The following TP53BP1 variants were observed in gnomAD, a reference collection of about 807,000 sequenced individuals.
The protein encoded by TP53BP1 is tumor protein p53 binding protein 1.
TP53BP1 carries 61 observed loss-of-function variants against 200.8 expected under a neutral mutation model. The ratio of observed to expected loss-of-function variants is 0.30; its 90% CI spans 0.25 to 0.38. TP53BP1 has a LOEUF of 0.38. Among genes scored for constraint, TP53BP1 ranks in the 10% least tolerant of loss-of-function variants. TP53BP1 has a pLI of 1.00. For synonymous variants in TP53BP1, 822 were observed against 844.3 expected, an observed-to-expected ratio of 0.97 and a Z score of 0.46; for missense variants, 2,144 against 2,371.9, an observed-to-expected ratio of 0.90 and a Z score of 2.00.
intron 12 of TP53BP1, among the ~76,000 whole-genome samples, chr15:43,455,591 G>A (rs539980043): frequency 3.0e-4 from 46 of 152,030 alleles, no homozygotes; most frequent in African/African-American, 9.9e-4. Context: ...ATAGTGGCAT[G>A]AGCCTATAGT....
At position 43,479,884 on chromosome 15, in the gene TP53BP1, C is replaced by G. The variant is rs139186328; in HGVS notation, c.633G>C (p.Arg211Ser). 158 of 1,614,176 alleles carry G rather than the reference C, an allele frequency of 9.8e-5. 1 individual carries two copies. The Middle Eastern group carries it at 3.3e-3, about 34-fold the overall frequency. The change falls in exon 6 of 28, where the codon AGG becomes AGC. Residue 211 changes from arginine to serine, a missense_variant. Arg to Ser is a moderately radical substitution (Grantham distance 110, BLOSUM62 -1). Coordinates refer to ENST00000382044, the MANE Select transcript of TP53BP1 (RefSeq NM_001141980.3). ...QSVTTNSGYT[R>S]LSDVDANTAI... The stretch of plus-strand genomic sequence containing the variant: ...CAGTATTAGCATCCACATCAGACAG[C>G]CTGGTATAACCAGAGTTGGTGGTTA...
chr15:43,421,812 T>C (rs1406812150), intron 19 of TP53BP1, 43 bp downstream of exon 19: 2 of 1,608,466 alleles, frequency 1.2e-6, no homozygotes, highest in African/African-American at 2.7e-5. Context: ...TCAGCAACCC[T>C]GCCCCTGCTG....
chr15:43,428,171 G>T lies in TP53BP1; in HGVS notation c.3676-3C>A, dbSNP rs1270603266. The T allele has an allele frequency of 1.9e-6, 3 of 1,612,828 alleles. No homozygotes were observed. In the South Asian group the frequency reaches 3.3e-5, roughly 18 times the overall value. On this transcript the variant is annotated splice_polypyrimidine_tract_variant and splice_region_variant and intron_variant, in intron 17 of 27. Transcript: ENST00000382044. ...GGCATATCAAACTCTTCTTCTCCCT[G>T]TGACAGAAAATACAGAACATAAGCA...
chr15:43,454,488 C>T (rs899411639), intron 12 of TP53BP1, among the ~76,000 whole-genome samples: 15 of 151,620 alleles, frequency 9.9e-5, no homozygotes, highest in African/African-American at 2.4e-4. Flanking sequence ...CTCAGCCTCC[C>T]GAGTAGCTGG....
chr15:43,480,065 C>T (rs1241817326), intron 5 of TP53BP1, 48 bp from the exon 6 acceptor site: 1 of 1,566,650 alleles, frequency 6.4e-7, no homozygotes, highest in South Asian at 1.1e-5. Flanking sequence ...CAACATTATG[C>T]AATGTACAAG....
chr15:43,470,737 G>C (rs767214765), intron 10 of TP53BP1, among the ~76,000 whole-genome samples: 1 of 152,118 alleles, frequency 6.6e-6, no homozygotes, highest in South Asian at 2.1e-4. Context: ...TCAGGAACTT[G>C]CTTGGAGTCA....
At position 43,432,343 on chromosome 15, in the gene TP53BP1, T is replaced by C; in HGVS notation, c.3526A>G (p.Thr1176Ala). The C allele has an allele frequency of 6.2e-7, 1 of 1,614,182 alleles. No homozygotes were observed. Among genetic ancestry groups the C allele is most frequent in the Non-Finnish European group, 8.5e-7 (1 of 1,180,024 alleles). ...TCACACACATTCTTTATAGTCTGGG[T>C]TGCTGCTGAAACAGTTTCTGGGACC... is the stretch of plus-strand genomic sequence containing the variant. Reference protein sequence around the residue: ...LRVPETVSAATQTIKNVCEQG... With the variant: ...LRVPETVSAAAQTIKNVCEQG... Residue 1176 changes from threonine (T) to alanine (A), a missense_variant, in exon 17 of 28, where the codon ACC (threonine) becomes GCC (alanine). By Grantham distance (58) the Thr-to-Ala change is moderately conservative (BLOSUM62 0). Coordinates refer to ENST00000382044, the MANE Select transcript of TP53BP1 (RefSeq NM_001141980.3).
At chr15:43,425,309 T>C (rs1284581178) in intron 18 of TP53BP1, among the ~76,000 whole-genome samples, 1 of 152,158 alleles carries the variant, frequency 6.6e-6, no homozygotes, top group Non-Finnish European at 1.5e-5. Flanking sequence ...GAAATATACT[T>C]TAGAAAGCAC....
intron 7 of TP53BP1, among the ~76,000 whole-genome samples, chr15:43,478,737 G>C (rs1272280790): frequency 6.6e-6 from 1 of 152,090 alleles, no homozygotes; most frequent in African/African-American, 2.4e-5. Flanking sequence ...AAGCAATCTG[G>C]GTGCTCCTCA....
In TP53BP1 at chr15:43,491,701, A is replaced by C. The variant is rs1447207288; in HGVS notation, c.339T>G (p.Ile113Met). The change falls in exon 4 of 28, where the codon ATT becomes ATG. Residue 113 changes from isoleucine (I) to methionine (M), a missense_variant. Coordinates refer to ENST00000382044, the MANE Select transcript of TP53BP1 (RefSeq NM_001141980.3). ...TCCTGTTTGGCTGAGGTAACTGCTC[A>C]ATGACCTGACTGATGGAACCACATG... is the stretch of plus-strand genomic sequence containing the variant. Reference protein sequence around the residue: ...LDTCGSISQVIEQLPQPNRTS... With the variant: ...LDTCGSISQVMEQLPQPNRTS... 6.2e-7 allele frequency: 1 copy of C among 1,614,124 alleles called. No individual in the cohort carries two copies. Among genetic ancestry groups the C allele is most frequent in the African/African-American group, 1.3e-5 (1 of 75,046 alleles).
intron 12 of TP53BP1, among the ~76,000 whole-genome samples, chr15:43,448,977 A>G (rs2046104587): frequency 6.6e-6 from 1 of 152,050 alleles, no homozygotes; most frequent in South Asian, 2.1e-4. Flanking sequence ...AAATACAAAA[A>G]TTAGCTGGGT....
chr15:43,468,398 T>C, intron 11 of TP53BP1, among the ~76,000 whole-genome samples: 1 of 151,722 alleles, frequency 6.6e-6, no homozygotes, highest in Non-Finnish European at 1.5e-5. Context: ...AATTAAGAAA[T>C]TAGTTGGGCA....
rs1215998367 is a variant in TP53BP1 at position 43,404,155 on chromosome 15, T to G, written c.*3228A>C. Reference sequence around the variant, plus strand: ...CAAAACGGGTTCTCCCCAACCCCAGTACTTGACAAAATACATTAACTGGAA... The same window carrying G: ...CAAAACGGGTTCTCCCCAACCCCAGGACTTGACAAAATACATTAACTGGAA... On this transcript the variant is annotated 3_prime_UTR_variant, in exon 28 of 28. Transcript: ENST00000382044. The G allele has an allele frequency of 1.9e-6, 1 of 539,066 alleles. No homozygotes were observed. The highest frequency in any genetic ancestry group is 1.9e-5 in the African/African-American group (1 of 53,026). 33.4% of individuals were successfully genotyped at this position (539,066 alleles called of 1,614,324 possible).
Position 43,490,666 on chromosome 15 carries a change from G to A in TP53BP1, c.371+1003C>T, listed in dbSNP as rs139988072. On this transcript the variant is annotated intron_variant, in intron 4 of 27. Coordinates refer to ENST00000382044, the MANE Select transcript of TP53BP1 (RefSeq NM_001141980.3). ...CCTTGGACCTTAGAAATATTGGGGCGGAAGACTGAGAAGCACTGATTAGTT... is the reference window on the plus strand; with the variant it reads ...CCTTGGACCTTAGAAATATTGGGGCAGAAGACTGAGAAGCACTGATTAGTT... Among the ~76,000 whole-genome samples, 39 of 152,264 alleles carry A rather than the reference G, an allele frequency of 2.6e-4. No individual in the cohort carries two copies. The East Asian group carries it at 6.7e-3, about 26-fold the overall frequency.
intron 1 of TP53BP1, among the ~76,000 whole-genome samples, chr15:43,499,467 C>T (rs2079198642): frequency 6.6e-6 from 1 of 152,196 alleles, no homozygotes; most frequent in Non-Finnish European, 1.5e-5. Context: ...AGCATGAACA[C>T]AGTGCCTACT....
chr15:43,461,509 C>T (rs1566948798), intron 11 of TP53BP1, among the ~76,000 whole-genome samples: 1 of 152,006 alleles, frequency 6.6e-6, no homozygotes, highest in Non-Finnish European at 1.5e-5. Context: ...TGAGCTACCT[C>T]GTCCGGCCAA....
At chr15:43,496,131 T>C (rs546143726), upstream of TP53BP1, among the ~76,000 whole-genome samples, 1 of 152,306 alleles carries the variant, frequency 6.6e-6, no homozygotes, top group South Asian at 2.1e-4. Flanking sequence ...AACTTACCTC[T>C]AAAGCCCTCC....
At chr15:43,419,700 T>G (rs1236581099) in intron 21 of TP53BP1, among the ~76,000 whole-genome samples, 1 of 151,922 alleles carries the variant, frequency 6.6e-6, no homozygotes, top group African/African-American at 2.4e-5. Flanking sequence ...GCATTATTTT[T>G]AAAATATCCC....
intron 20 of TP53BP1, 22 bp downstream of exon 20, chr15:43,420,997 CTAAGTA>C: frequency 6.3e-7 from 1 of 1,596,850 alleles, no homozygotes; most frequent in Non-Finnish European, 8.5e-7. Flanking sequence ...GAACAACAGA[CTAAGTA>C]TATCTTACAC....
Sources: gnomAD v4.1 joint callset for allele counts (sites outside exome capture counted in the v4.1 genomes callset) on GRCh38, gnomAD v4.1.1 for gene constraint, MANE v1.5 for transcripts, NCBI Gene and HGNC (gene_info 2026-07-23, HGNC 2026-07-21) for gene names.